Variants in COL22A1 observed in about 807,000 individuals in gnomAD.
COL22A1 encodes collagen type XXII alpha 1 chain.
COL22A1 carries 221 observed loss-of-function variants against 248.9 expected under a neutral mutation model. That is an observed-to-expected ratio of 0.89 (90% CI 0.80 to 0.99). The LOEUF (loss-of-function observed/expected upper bound fraction) is 0.99, where lower values mean the gene tolerates loss of function less well. COL22A1 is among the 50% of genes least tolerant of loss of function. COL22A1 has a pLI of 0.00. For synonymous variants in COL22A1, 891 were observed against 793.4 expected, an observed-to-expected ratio of 1.12 and a Z score of -2.07; for missense variants, 2,240 against 2,179.0, an observed-to-expected ratio of 1.03 and a Z score of -0.56.
At chr8:138,886,409 G>A (rs972210477) in intron 1 of COL22A1, among the ~76,000 whole-genome samples, 2 of 152,010 alleles carry the variant, frequency 1.3e-5, no homozygotes, top group African/African-American at 4.8e-5. Context: ...GGAAGGAAGA[G>A]AGAAAGGAAG....
chr8:138,662,077 G>T lies in COL22A1; in HGVS notation c.3193C>A (p.Arg1065=). Residue 1065 remains arginine (R), a synonymous_variant, in exon 43 of 65, where the codon CGA becomes AGA. Transcript: ENST00000303045. ...PPGDKGSPGS[R]GLPGFPGPQG... Reference sequence around the variant, plus strand: ...GGGCCAGGGAATCCAGGTAAGCCTCGTGATCCCTGAAGAAAAAGAAAAGAA... The same window carrying T: ...GGGCCAGGGAATCCAGGTAAGCCTCTTGATCCCTGAAGAAAAAGAAAAGAA... 1 of 1,611,962 alleles carries T rather than the reference G, an allele frequency of 6.2e-7. No individual in the cohort carries two copies. Among genetic ancestry groups the T allele is most frequent in the East Asian group, 2.2e-5 (1 of 44,740 alleles).
chr8:138,718,696 T>G (rs1829636166), intron 27 of COL22A1, among the ~76,000 whole-genome samples: 1 of 152,216 alleles, frequency 6.6e-6, no homozygotes, highest in Non-Finnish European at 1.5e-5. Context: ...TCTAGGACTA[T>G]GAGTATGTTG....
intron 15 of COL22A1, among the ~76,000 whole-genome samples, chr8:138,776,424 A>T (rs1373053839): frequency 6.6e-6 from 1 of 152,080 alleles, no homozygotes; most frequent in Non-Finnish European, 1.5e-5. Context: ...TGAATCAGAG[A>T]ATGGCTCCTT....
chr8:138,732,376 T>C (rs1052307091), intron 23 of COL22A1, among the ~76,000 whole-genome samples: 3 of 152,302 alleles, frequency 2.0e-5, no homozygotes, highest in Non-Finnish European at 4.4e-5. Flanking sequence ...GTAAGAAAAA[T>C]CTGGGACTTT....
chr8:138,610,000 C>A (rs533381394), intron 56 of COL22A1, among the ~76,000 whole-genome samples: 115 of 152,354 alleles, frequency 7.5e-4, no homozygotes, highest in Non-Finnish European at 1.2e-3. Flanking sequence ...TAAGACCCCT[C>A]CTTCCAGGAT....
At chr8:138,655,622 A>G (rs977023858) in intron 45 of COL22A1, among the ~76,000 whole-genome samples, 1 of 152,098 alleles carries the variant, frequency 6.6e-6, no homozygotes, top group Admixed American at 6.5e-5. Flanking sequence ...TATCCCCACG[A>G]CATGCTGGGA....
chr8:138,854,150 T>C (rs1445914679), intron 3 of COL22A1, among the ~76,000 whole-genome samples: 2 of 152,124 alleles, frequency 1.3e-5, no homozygotes, highest in Non-Finnish European at 2.9e-5. Context: ...AGAGGGAATA[T>C]GCCATCGTGA....
At chr8:138,795,556 C>CACACACACACACAG (rs1816438707) in intron 12 of COL22A1, among the ~76,000 whole-genome samples, 1 of 151,934 alleles carries the variant, frequency 6.6e-6, no homozygotes, top group Non-Finnish European at 1.5e-5. Flanking sequence ...CACACACACA[C>CACACACACACACAG]AGAGCTGGTG....
chr8:138,787,234 A>G (rs544527755), intron 12 of COL22A1, among the ~76,000 whole-genome samples: 15 of 152,146 alleles, frequency 9.9e-5, no homozygotes, highest in Non-Finnish European at 1.9e-4. Context: ...AAGAATATGT[A>G]AAGCTAAGGA....
At chr8:138,768,337 C>T (rs1370044580) in intron 16 of COL22A1, among the ~76,000 whole-genome samples, 1 of 152,188 alleles carries the variant, frequency 6.6e-6, no homozygotes, top group Non-Finnish European at 1.5e-5. Flanking sequence ...CACACTCTTG[C>T]CCGAGCCTGC....
Position 138,778,374 on chromosome 8 carries a change from A to C in COL22A1, c.1737T>G (p.Pro579=), listed in dbSNP as rs1417619605. 1.2e-6 allele frequency: 2 copies of C among 1,612,316 alleles called. No homozygotes were observed. Among genetic ancestry groups the C allele is most frequent in the Non-Finnish European group, 1.7e-6 (2 of 1,179,440 alleles). The change falls in exon 15 of 65, where the codon CCT becomes CCG. Residue 579 remains proline, a synonymous_variant. Coordinates refer to ENST00000303045, the MANE Select transcript of COL22A1 (RefSeq NM_152888.3). ...TTACAGGAGCTCCGACACGTCCAGG[A>C]GGTCCGGGGAGTCCAGGTGGTCCTT... is the stretch of plus-strand genomic sequence containing the variant. ...GPQGPPGLPG[P]PGRVGAPGLQ...
At chr8:138,706,887 C>T (rs191937079) in intron 30 of COL22A1, among the ~76,000 whole-genome samples, 1 of 152,074 alleles carries the variant, frequency 6.6e-6, no homozygotes, top group Non-Finnish European at 1.5e-5. Context: ...TGATAGACCA[C>T]TAGCAAGACT....
chr8:138,762,295 A>G (rs1833552816), intron 17 of COL22A1, 118 bp downstream of exon 17: 1 of 980,386 alleles, frequency 1.0e-6, no homozygotes, highest in East Asian at 2.5e-5. Flanking sequence ...TGCAGCCTCC[A>G]GCTGAGCAAG....
intron 52 of COL22A1, among the ~76,000 whole-genome samples, chr8:138,622,410 C>T (rs1266872525): frequency 6.6e-6 from 1 of 152,106 alleles, no homozygotes; most frequent in Non-Finnish European, 1.5e-5. Context: ...GCTTTTATTG[C>T]TATTGTTATT....
chr8:138,862,355 C>A (rs1822548882), intron 3 of COL22A1, among the ~76,000 whole-genome samples: 1 of 152,178 alleles, frequency 6.6e-6, no homozygotes, highest in South Asian at 2.1e-4. Context: ...TGTCCGTGCC[C>A]CACTCCAGTC....
chr8:138,682,593 C>T (rs1826047265), intron 39 of COL22A1, among the ~76,000 whole-genome samples: 1 of 152,210 alleles, frequency 6.6e-6, no homozygotes, highest in Admixed American at 6.5e-5. Flanking sequence ...TCTCTGAACA[C>T]ATTCTGCCTC....
At chr8:138,902,733 T>TACACACACACAC (rs1814690510) in intron 1 of COL22A1, among the ~76,000 whole-genome samples, 1 of 91,566 alleles carries the variant, frequency 1.1e-5, no homozygotes, top group South Asian at 3.9e-4. Context: ...TAAATATATA[T>TACACACACACAC]ATATATACAC....
intron 1 of COL22A1, among the ~76,000 whole-genome samples, chr8:138,890,124 G>T (rs375297787): frequency 1.3e-5 from 2 of 151,962 alleles, no homozygotes; most frequent in African/African-American, 4.8e-5. Flanking sequence ...CAGAATGAAG[G>T]GAAGAAGAAA....
chr8:138,871,679 T>A (rs956611296), intron 3 of COL22A1, among the ~76,000 whole-genome samples: 1 of 152,160 alleles, frequency 6.6e-6, no homozygotes, highest in Admixed American at 6.5e-5. Flanking sequence ...AGAAGCTCAA[T>A]GAATATGCAT....
Sources: allele counts gnomAD v4.1 joint callset (sites outside exome capture counted in the v4.1 genomes callset), GRCh38; gene constraint gnomAD v4.1.1; transcripts MANE v1.5; gene names NCBI Gene and HGNC (gene_info 2026-07-23, HGNC 2026-07-21).